AMER1: variants seen among roughly 807,000 people sequenced by gnomAD.
The protein encoded by AMER1 is APC membrane recruitment protein 1.
Under a neutral mutation model 53.0 loss-of-function variants are expected in AMER1, and 16 were observed. That is an observed-to-expected ratio of 0.30 (90% CI 0.20 to 0.46). AMER1 has a LOEUF of 0.46. Ranked by LOEUF, AMER1 falls within the 20% of genes least tolerant of loss-of-function variation. AMER1 has a pLI of 1.00. For synonymous variants in AMER1, 354 were observed against 331.9 expected (o/e 1.07, Z -0.73); for missense variants, 947 against 884.9 (o/e 1.07, Z -0.89).
rs915023870 is a variant in AMER1, at chrX:64,188,237, G to A, written c.*1642C>T. 178 of 802,042 alleles carry A rather than the reference G, an allele frequency of 2.2e-4. No homozygotes were observed. The highest frequency in any genetic ancestry group is 2.6e-4 in the Non-Finnish European group (171 of 669,428). 66.1% of individuals were successfully genotyped at this position (802,042 alleles called of 1,213,427 possible). ...GGAGATGGTGGGATGTGAGGGCGAG[G>A]GTGCAATAATCATAATTTGAGTGAA... On this transcript the variant is annotated 3_prime_UTR_variant, in exon 2 of 2. Coordinates refer to ENST00000374869, the MANE Select transcript of AMER1 (RefSeq NM_152424.4).
At position 64,191,214 on chromosome X, in the gene AMER1, G is replaced by C. The variant is rs150875520; in HGVS notation, c.2073C>G (p.Ser691Arg). Residue 691 changes from serine to arginine, a missense_variant, in exon 2 of 2, where the codon AGC becomes AGG. Ser to Arg is a moderately radical substitution (Grantham distance 110). Coordinates refer to ENST00000374869, the MANE Select transcript of AMER1 (RefSeq NM_152424.4). Reference sequence around the variant, plus strand: ...GACGGAAGTCCCTCCAGTCTGGCTCGCTGCTTGCAGTGGTGGGGAAAGCTG... The same window carrying C: ...GACGGAAGTCCCTCCAGTCTGGCTCCCTGCTTGCAGTGGTGGGGAAAGCTG... The part of the protein sequence containing the change: ...ITSAFPTTAS[S>R]EPDWRDFRPL... The C allele has an allele frequency of 8.3e-7, 1 of 1,211,877 alleles. No homozygotes were observed. The highest frequency in any genetic ancestry group is 1.1e-6 in the Non-Finnish European group (1 of 895,530).
At chrX:64,202,481 C>T (rs924503677) in intron 1 of AMER1, among the ~76,000 whole-genome samples, 5 of 111,622 alleles carry the variant, frequency 4.5e-5, no homozygotes, top group Non-Finnish European at 9.4e-5. Context: ...TTAAGCGAGC[C>T]CCTGTTGCTT....
intron 1 of AMER1, among the ~76,000 whole-genome samples, chrX:64,195,250 T>G (rs1930341629): frequency 8.9e-6 from 1 of 111,957 alleles, no homozygotes; most frequent in South Asian, 3.8e-4. Flanking sequence ...CATGTCTGAA[T>G]GCCCCACTTT....
rs1454201837 is a variant in AMER1 at position 64,188,273 on chromosome X, CA to C, written c.*1605del. Reference sequence around the variant, plus strand: ...CATAATTTGAGTGAACACAGCCAAGCAAAAAATGTTCCATATGCCATTTCCA... The same window carrying C: ...CATAATTTGAGTGAACACAGCCAAGCAAAAATGTTCCATATGCCATTTCCA... On this transcript the variant is annotated 3_prime_UTR_variant, in exon 2 of 2. Transcript: ENST00000374869. 3 of 800,436 alleles carry C rather than the reference CA, an allele frequency of 3.7e-6. No individual in the cohort carries two copies. The highest frequency in any genetic ancestry group is 4.5e-6 in the Non-Finnish European group (3 of 668,397). 66.0% of individuals were successfully genotyped at this position (800,436 alleles called of 1,213,427 possible).
In AMER1 at chrX:64,186,088, T is replaced by A; in HGVS notation, c.*3791A>T. Reference sequence around the variant, plus strand: ...GAAGGGTTCAAAAGAAAGAAAAACATAAAATAAAGCCAGAAAATGACAAGC... The same window carrying A: ...GAAGGGTTCAAAAGAAAGAAAAACAAAAAATAAAGCCAGAAAATGACAAGC... On this transcript the variant is annotated 3_prime_UTR_variant, in exon 2 of 2. Transcript: ENST00000374869. 1 of 1,181,595 alleles carries A rather than the reference T, an allele frequency of 8.5e-7. No individual in the cohort carries two copies.
Position 64,187,302 on chromosome X carries a change from C to G in AMER1, c.*2577G>C, listed in dbSNP as rs1408564083. ...GCAGCCACATATCCTGGCTGCCCCACTTCAGGTGGTAAGGATCCTATTCCT... is the reference window on the plus strand; with the variant it reads ...GCAGCCACATATCCTGGCTGCCCCAGTTCAGGTGGTAAGGATCCTATTCCT... On this transcript the variant is annotated 3_prime_UTR_variant, in exon 2 of 2. Coordinates refer to ENST00000374869, the MANE Select transcript of AMER1 (RefSeq NM_152424.4). The G allele has an allele frequency of 1.3e-6, 1 of 788,684 alleles. No individual in the cohort carries two copies. Among genetic ancestry groups the G allele is most frequent in the Non-Finnish European group, 1.5e-6 (1 of 660,641 alleles). The allele number at this position is 788,684 out of a possible 1,213,427, so 65.0% of individuals were successfully genotyped here.
At position 64,186,289 on chromosome X, in the gene AMER1, A is replaced by G; in HGVS notation, c.*3590T>C. On this transcript the variant is annotated 3_prime_UTR_variant, in exon 2 of 2. Coordinates refer to ENST00000374869, the MANE Select transcript of AMER1 (RefSeq NM_152424.4). ...GATGCCAGCCCTCTGCACAAGCAGC[A>G]GCAATTTTTGTGTCATCTTTGTTTT... 1 of 1,051,757 alleles carries G rather than the reference A, an allele frequency of 9.5e-7. No individual in the cohort carries two copies. The highest frequency in any genetic ancestry group is 1.2e-6 in the Non-Finnish European group (1 of 810,960). 86.7% of individuals were successfully genotyped at this position (1,051,757 alleles called of 1,213,427 possible).
Position 64,187,799 on chromosome X carries a change from G to A in AMER1, c.*2080C>T. 1 of 776,950 alleles carries A rather than the reference G, an allele frequency of 1.3e-6. No individual in the cohort carries two copies. Among genetic ancestry groups the A allele is most frequent in the Non-Finnish European group, 1.5e-6 (1 of 652,452 alleles). 64.0% of individuals were successfully genotyped at this position (776,950 alleles called of 1,213,427 possible). Reference sequence around the variant, plus strand: ...GTAAGAGGCCAGAAAGTTGGAATTTGGGCACTTCTCTCTTGGAATGCTGTG... The same window carrying A: ...GTAAGAGGCCAGAAAGTTGGAATTTAGGCACTTCTCTCTTGGAATGCTGTG... On this transcript the variant is annotated 3_prime_UTR_variant, in exon 2 of 2. Coordinates refer to ENST00000374869, the MANE Select transcript of AMER1 (RefSeq NM_152424.4).
At chrX:64,195,800 C>G (rs1406027037) in intron 1 of AMER1, among the ~76,000 whole-genome samples, 1 of 112,531 alleles carries the variant, frequency 8.9e-6, no homozygotes, top group African/African-American at 3.2e-5. Flanking sequence ...CCTGTTATTT[C>G]TAAAGCTGGT....
At chrX:64,202,347 G>C (rs1569194439) in intron 1 of AMER1, among the ~76,000 whole-genome samples, 1 of 111,894 alleles carries the variant, frequency 8.9e-6, no homozygotes, top group African/African-American at 3.3e-5. Flanking sequence ...GGGAATGAGG[G>C]AGGTAAGATG....
In AMER1 at chrX:64,188,936, A is replaced by G. The variant is rs1038575618; in HGVS notation, c.*943T>C. 1.2e-6 allele frequency: 1 copy of G among 808,031 alleles called. No homozygotes were observed. The highest frequency in any genetic ancestry group is 1.5e-6 in the Non-Finnish European group (1 of 672,253). The allele number at this position is 808,031 out of a possible 1,213,427, so 66.6% of individuals were successfully genotyped here. ...GAAAAAAGAACAAAAATTCAAAAGC[A>G]TCTGCAACTCAGGTAGTCACAAGCT... is the stretch of plus-strand genomic sequence containing the variant. On this transcript the variant is annotated 3_prime_UTR_variant, in exon 2 of 2. Coordinates refer to ENST00000374869, the MANE Select transcript of AMER1 (RefSeq NM_152424.4).
chrX:64,192,441 C>A lies in AMER1; in HGVS notation c.846G>T (p.Glu282Asp), dbSNP rs2147089613. 8.3e-7 allele frequency: 1 copy of A among 1,207,168 alleles called. No individual in the cohort carries two copies. Among genetic ancestry groups the A allele is most frequent in the Non-Finnish European group, 1.1e-6 (1 of 893,468 alleles). The stretch of plus-strand genomic sequence containing the variant: ...CCCCTGTTTCTGGGCTATGGGGCTC[C>A]TCTAGGCTACTGGCTTCAGGGGCAG... ...PKPAPEASSL[E>D]EPHSPETGEK... Residue 282 changes from glutamate (E) to aspartate (D), a missense_variant, in exon 2 of 2, where the codon GAG (glutamate) becomes GAT (aspartate). Transcript: ENST00000374869.
At chrX:64,200,913 G>C (rs1476070547) in intron 1 of AMER1, among the ~76,000 whole-genome samples, 2 of 111,767 alleles carry the variant, frequency 1.8e-5, no homozygotes, top group African/African-American at 6.5e-5. Flanking sequence ...CCCCTGAAAA[G>C]AGCCACAGCC....
Position 64,186,015 on chromosome X carries a change from A to C in AMER1, c.*3864T>G, listed in dbSNP as rs1930098222. 2 of 773,336 alleles carry C rather than the reference A, an allele frequency of 2.6e-6. No homozygotes were observed. The highest frequency in any genetic ancestry group is 3.7e-6 in the Non-Finnish European group (2 of 541,086). 63.7% of individuals were successfully genotyped at this position (773,336 alleles called of 1,213,427 possible). A position where few individuals can be genotyped will look rare whatever the true frequency, so the allele number is the denominator to read the frequency against. ...ACTAAAGCACAAAACATAACGAGGA[A>C]AAAAAATAAGACACATGAGTACTCT... On this transcript the variant is annotated 3_prime_UTR_variant, in exon 2 of 2. Coordinates refer to ENST00000374869, the MANE Select transcript of AMER1 (RefSeq NM_152424.4).
Position 64,189,795 on chromosome X carries a change from C to CCCCCCCCCCCCCCCCCCTTCT in AMER1, c.*83_*84insAGAAGGGGGGGGGGGGGGGGG. ...AAGGGTTTTCAAGTTAAACAACAACCCCCACCCCCCCACCCTTCTGCCCAA... is the reference window on the plus strand; with the variant it reads ...AAGGGTTTTCAAGTTAAACAACAACCCCCCCCCCCCCCCCCCCTTCTCCCACCCCCCCACCCTTCTGCCCAA... On this transcript the variant is annotated 3_prime_UTR_variant, in exon 2 of 2. Transcript: ENST00000374869. 1 of 154,271 alleles carries CCCCCCCCCCCCCCCCCCTTCT rather than the reference C, an allele frequency of 6.5e-6. No homozygotes were observed. The highest frequency in any genetic ancestry group is 2.7e-4 in the East Asian group (1 of 3,655). 12.7% of individuals were successfully genotyped at this position (154,271 alleles called of 1,213,427 possible). A position where few individuals can be genotyped will look rare whatever the true frequency, so the allele number is the denominator to read the frequency against.
Position 64,192,810 on chromosome X carries a change from A to C in AMER1, c.477T>G (p.Phe159Leu), listed in dbSNP as rs34677493. The C allele has an allele frequency of 0.029, 35,420 of 1,209,530 alleles. 4,387 individuals are homozygous for C. The African/African-American group carries it at 0.44, about 15-fold the overall frequency. ...GATEKAVAEK[F>L]PSMPKPKKGL... ...CTTTCTTTGGCTTGGGCATAGAGGG[A>C]AACTTCTCAGCCACAGCTTTCTCTG... Residue 159 changes from phenylalanine (F) to leucine (L), a missense_variant, in exon 2 of 2, where the codon TTT (phenylalanine) becomes TTG (leucine). By Grantham distance (22) the Phe-to-Leu change is conservative (BLOSUM62 0). Coordinates refer to ENST00000374869, the MANE Select transcript of AMER1 (RefSeq NM_152424.4).
In AMER1 at chrX:64,185,710, A is replaced by C; in HGVS notation, c.*4169T>G. ...GGTGGTAGGGGAGGAGATTCCCCCA[A>C]AGCAGCAAGAGGGGTGAAGGAGTTC... On this transcript the variant is annotated 3_prime_UTR_variant, in exon 2 of 2. Coordinates refer to ENST00000374869, the MANE Select transcript of AMER1 (RefSeq NM_152424.4). 5.5e-6 allele frequency: 1 copy of C among 180,912 alleles called. No homozygotes were observed. The highest frequency in any genetic ancestry group is 1.0e-5 in the Non-Finnish European group (1 of 95,278). The allele number at this position is 180,912 out of a possible 1,213,427, so 14.9% of individuals were successfully genotyped here. A position where few individuals can be genotyped will look rare whatever the true frequency, so the allele number is the denominator to read the frequency against.
At position 64,192,640 on chromosome X, in the gene AMER1, C is replaced by A; in HGVS notation, c.647G>T (p.Cys216Phe). Residue 216 changes from cysteine to phenylalanine, a missense_variant, in exon 2 of 2, where the codon TGC becomes TTC. By Grantham distance (205) the Cys-to-Phe change is radical (BLOSUM62 -2). Coordinates refer to ENST00000374869, the MANE Select transcript of AMER1 (RefSeq NM_152424.4). ...AGGGGCTTGGAAGGTCTCCTCAAAGCAGGGCACCTGAGGGGCTGAGCTCAC... is the reference window on the plus strand; with the variant it reads ...AGGGGCTTGGAAGGTCTCCTCAAAGAAGGGCACCTGAGGGGCTGAGCTCAC... ...EHVSSAPQVP[C>F]FEETFQAPRK... is the part of the protein sequence containing the mutation. The A allele has an allele frequency of 8.6e-7, 1 of 1,169,199 alleles. No individual in the cohort carries two copies.
rs2147091124 is a variant in AMER1, at chrX:64,193,109, A to G, written c.178T>C (p.Phe60Leu). The G allele has an allele frequency of 8.3e-7, 1 of 1,211,891 alleles. No individual in the cohort carries two copies. The highest frequency in any genetic ancestry group is 1.1e-6 in the Non-Finnish European group (1 of 895,564). The part of the protein sequence containing the change: ...GRLKKTAMKL[F>L]GGKKGICTLP... ...GTACAGATACCCTTCTTGCCACCAA[A>G]GAGTTTCATGGCAGTTTTCTTCAGC... Residue 60 changes from phenylalanine (F) to leucine (L), a missense_variant, in exon 2 of 2, where the codon TTT becomes CTT. By Grantham distance (22) the Phe-to-Leu change is conservative. Transcript: ENST00000374869.
Sources: allele counts gnomAD v4.1 joint callset (sites outside exome capture counted in the v4.1 genomes callset), GRCh38; gene constraint gnomAD v4.1.1; transcripts MANE v1.5; gene names NCBI Gene and HGNC (gene_info 2026-07-23, HGNC 2026-07-21).